Variants in RAPGEF2 observed in about 807,000 individuals in gnomAD.
RAPGEF2 encodes the protein PDZ domain containing guanine nucleotide exchange factor (GEF) 1.
In RAPGEF2, 54 loss-of-function variants were observed where a neutral mutation model predicts 186.7. The ratio of observed to expected loss-of-function variants is 0.29; its 90% CI spans 0.23 to 0.36. RAPGEF2 has a LOEUF of 0.36. Among genes scored for constraint, RAPGEF2 ranks in the 10% least tolerant of loss-of-function variants. RAPGEF2 has a pLI of 1.00. For missense variants in RAPGEF2, 1,532 were observed against 2,045.0 expected (o/e 0.75, Z 4.84); for synonymous variants, 712 against 705.9 (o/e 1.01, Z -0.14).
intron 17 of RAPGEF2, among the ~76,000 whole-genome samples, chr4:159,336,045 T>C (rs989619123): frequency 1.3e-5 from 2 of 152,154 alleles, no homozygotes; most frequent in Admixed American, 1.3e-4. Context: ...TTTCATCTTT[T>C]ACAGAATATT....
intron 1 of RAPGEF2, among the ~76,000 whole-genome samples, chr4:159,166,681 G>C (rs1045783730): frequency 2.0e-5 from 3 of 152,144 alleles, no homozygotes; most frequent in African/African-American, 7.2e-5. Context: ...AGTCTTTATT[G>C]AGTAGTGTCT....
chr4:159,225,521 A>G (rs1013610918), intron 4 of RAPGEF2, among the ~76,000 whole-genome samples: 1 of 152,172 alleles, frequency 6.6e-6, no homozygotes, highest in Non-Finnish European at 1.5e-5. Context: ...ATTGATGGAT[A>G]GCATGGTAAA....
intron 7 of RAPGEF2, among the ~76,000 whole-genome samples, chr4:159,266,230 T>C (rs970271949): frequency 6.6e-6 from 1 of 151,702 alleles, no homozygotes; most frequent in African/African-American, 2.4e-5. Context: ...AGTGATGTGG[T>C]GGGAATGGTT....
In RAPGEF2 at chr4:159,314,446, A is replaced by T. The variant is rs866375718; in HGVS notation, c.676-145A>T. 43 of 713,146 alleles carry T rather than the reference A, an allele frequency of 6.0e-5. No individual in the cohort carries two copies. The African/African-American group carries it at 7.2e-4, about 12-fold the overall frequency. The allele number at this position is 713,146 out of a possible 1,614,324, so 44.2% of individuals were successfully genotyped here. Reference sequence around the variant, plus strand: ...CATATTTTGTTAAAGTAATTGTTACATGTAGTTTCTGGTGCATACATAGTT... The same window carrying T: ...CATATTTTGTTAAAGTAATTGTTACTTGTAGTTTCTGGTGCATACATAGTT... On this transcript the variant is annotated intron_variant, in intron 8 of 29. Transcript: ENST00000691494.
chr4:159,268,518 A>G (rs1757712131), intron 7 of RAPGEF2, among the ~76,000 whole-genome samples: 1 of 152,200 alleles, frequency 6.6e-6, no homozygotes, highest in South Asian at 2.1e-4. Context: ...TAGTACTTGA[A>G]TAGTTTTCAA....
chr4:159,225,925 C>T (rs998381691), intron 4 of RAPGEF2, among the ~76,000 whole-genome samples: 22 of 152,154 alleles, frequency 1.4e-4, no homozygotes, highest in African/African-American at 1.9e-4. Context: ...CCTAATCTAA[C>T]ATGTGCCTTA....
intron 3 of RAPGEF2, among the ~76,000 whole-genome samples, chr4:159,207,282 A>G (rs1398406179): frequency 6.6e-6 from 1 of 152,226 alleles, no homozygotes; most frequent in Non-Finnish European, 1.5e-5. Context: ...AATATAGGCT[A>G]ATCGACGGGT....
At chr4:159,128,276 ATGT>A (rs994685847) in intron 1 of RAPGEF2, among the ~76,000 whole-genome samples, 65 of 152,270 alleles carry the variant, frequency 4.3e-4, no homozygotes, top group African/African-American at 1.5e-3. Flanking sequence ...AGAGGGACTG[ATGT>A]TGTATCCAGT....
At chr4:159,179,622 C>A (rs751206967) in intron 1 of RAPGEF2, among the ~76,000 whole-genome samples, 6 of 152,106 alleles carry the variant, frequency 3.9e-5, no homozygotes, top group Non-Finnish European at 8.8e-5. Context: ...AGAGGCAATT[C>A]CATGCCAACT....
At chr4:159,284,468 C>T (rs1439751867) in intron 7 of RAPGEF2, among the ~76,000 whole-genome samples, 1 of 145,748 alleles carries the variant, frequency 6.9e-6, no homozygotes. Flanking sequence ...TGCCTACCTC[C>T]CACCGCCATG....
At chr4:159,259,371 C>CTATA (rs1236789007) in intron 7 of RAPGEF2, among the ~76,000 whole-genome samples, 2 of 152,186 alleles carry the variant, frequency 1.3e-5, no homozygotes, top group Non-Finnish European at 2.9e-5. Flanking sequence ...GATGACTGAG[C>CTATA]TATATTTGCA....
At chr4:159,333,876 CTTCTT>C (rs566638334) in intron 17 of RAPGEF2, among the ~76,000 whole-genome samples, 2 of 152,182 alleles carry the variant, frequency 1.3e-5, no homozygotes, top group Non-Finnish European at 2.9e-5. Context: ...ATATCAAACA[CTTCTT>C]TTTCTTTTTT....
chr4:159,123,948 C>T (rs143795419), intron 1 of RAPGEF2, among the ~76,000 whole-genome samples: 19 of 152,050 alleles, frequency 1.2e-4, no homozygotes, highest in Non-Finnish European at 2.1e-4. Context: ...CTCTGCCTCC[C>T]GGGTTCAAGC....
At chr4:159,348,293 T>C (rs558048543) in intron 25 of RAPGEF2, among the ~76,000 whole-genome samples, 1 of 151,728 alleles carries the variant, frequency 6.6e-6, no homozygotes, top group South Asian at 2.1e-4. Context: ...GATAGATAGA[T>C]AAAGATATAG....
intron 11 of RAPGEF2, among the ~76,000 whole-genome samples, chr4:159,326,334 C>G (rs956141028): frequency 6.6e-6 from 1 of 152,140 alleles, no homozygotes; most frequent in Non-Finnish European, 1.5e-5. Flanking sequence ...CCATGAGTTT[C>G]TATCATTTTA....
At chr4:159,130,582 C>CT (rs992087267) in intron 1 of RAPGEF2, among the ~76,000 whole-genome samples, 12 of 152,076 alleles carry the variant, frequency 7.9e-5, no homozygotes, top group African/African-American at 2.9e-4. Flanking sequence ...GATCTAAAGT[C>CT]TAATTTTATT....
chr4:159,348,988 A>G (rs1197687633), intron 25 of RAPGEF2, among the ~76,000 whole-genome samples: 1 of 152,182 alleles, frequency 6.6e-6, no homozygotes, highest in African/African-American at 2.4e-5. Flanking sequence ...CACTAGCACC[A>G]CTTTTGAAGT....
At chr4:159,219,607 A>C (rs903209384) in intron 4 of RAPGEF2, among the ~76,000 whole-genome samples, 1 of 152,282 alleles carries the variant, frequency 6.6e-6, no homozygotes, top group East Asian at 1.9e-4. Context: ...TGCCTGCCTC[A>C]GCCTCCCAAA....
intron 4 of RAPGEF2, among the ~76,000 whole-genome samples, chr4:159,218,568 C>T (rs1209682623): frequency 6.6e-6 from 1 of 152,020 alleles, no homozygotes; most frequent in Non-Finnish European, 1.5e-5. Flanking sequence ...ACAGCCTGGC[C>T]AACATGGTGA....
Sources: allele counts gnomAD v4.1 joint callset (sites outside exome capture counted in the v4.1 genomes callset), GRCh38; gene constraint gnomAD v4.1.1; transcripts MANE v1.5; gene names NCBI Gene and HGNC (gene_info 2026-07-23, HGNC 2026-07-21).